Variants in LYRM4 observed in about 807,000 individuals in gnomAD.
LYRM4 encodes LYR motif containing 4, also known as LYR motif-containing protein 4.
A neutral mutation model predicts 11.7 loss-of-function variants in LYRM4; 9 were observed. That is an observed-to-expected ratio of 0.77 (90% CI 0.46 to 1.34). LYRM4 has a LOEUF of 1.34. Ranked by LOEUF, LYRM4 falls within the 40% of genes most tolerant of loss-of-function variation. LYRM4 has a pLI of 0.00. For synonymous variants in LYRM4, 42 were observed against 40.4 expected (o/e 1.04, Z -0.15); for missense variants, 133 against 112.5 (o/e 1.18, Z -0.82).
chr6:5,177,288 T>C (rs1211778114), intron 2 of LYRM4, among the ~76,000 whole-genome samples: 1 of 152,266 alleles, frequency 6.6e-6, no homozygotes, highest in East Asian at 1.9e-4. Flanking sequence ...TCTTACAGAC[T>C]GAACAAAGAA....
chr6:5,170,746 G>A (rs1182368798), intron 2 of LYRM4, among the ~76,000 whole-genome samples: 1 of 152,076 alleles, frequency 6.6e-6, no homozygotes, highest in Admixed American at 6.5e-5. Context: ...CCCCAATTGG[G>A]GATGTATAAA....
chr6:5,092,885 C>A, the LYRM4 span, among the ~76,000 whole-genome samples: 5 of 152,168 alleles, frequency 3.3e-5, no homozygotes, highest in Admixed American at 2.6e-4. Context: ...CCCTGTGACG[C>A]TCGGATCACC....
In LYRM4 at chr6:5,133,775, C is replaced by T. The variant is rs1009790169; in HGVS notation, c.208-24284G>A. ...TCATTAAGCAGCCCCTCCCTGTTTTCTTATTTTCCCAGCCTCTGGCAACCA... is the reference window on the plus strand; with the variant it reads ...TCATTAAGCAGCCCCTCCCTGTTTTTTTATTTTCCCAGCCTCTGGCAACCA... On this transcript the variant is annotated intron_variant, in intron 2 of 2. Coordinates refer to ENST00000330636, the MANE Select transcript of LYRM4 (RefSeq NM_020408.6). Among the ~76,000 whole-genome samples, 4 of 152,178 alleles carry T rather than the reference C, an allele frequency of 2.6e-5. No homozygotes were observed. In the East Asian group the frequency reaches 7.7e-4, roughly 29 times the overall value.
rs1581627044 is a variant in LYRM4, at chr6:5,260,793, C to T, written c.-60G>A. ...GCCGAGGTCCCAAGTACGACCCAAC[C>T]CACGAAACTCCAGCCTGTGCGGAAA... On this transcript the variant is annotated 5_prime_UTR_variant, in exon 1 of 3. Coordinates refer to ENST00000330636, the MANE Select transcript of LYRM4 (RefSeq NM_020408.6). The T allele has an allele frequency of 1.3e-6, 2 of 1,534,056 alleles. No homozygotes were observed. Among genetic ancestry groups the T allele is most frequent in the East Asian group, 2.4e-5 (1 of 40,868 alleles).
At chr6:5,046,628 C>T in the LYRM4 span, among the ~76,000 whole-genome samples, 1 of 152,298 alleles carries the variant, frequency 6.6e-6, no homozygotes, top group East Asian at 1.9e-4. Flanking sequence ...ACAGGCTCCC[C>T]ATATGCTTAG....
chr6:5,255,252 T>A (rs1471930079), intron 1 of LYRM4, among the ~76,000 whole-genome samples: 1 of 152,224 alleles, frequency 6.6e-6, no homozygotes, highest in African/African-American at 2.4e-5. Flanking sequence ...CAGGAAGACA[T>A]CTGCATTCTC....
At chr6:5,119,092 C>T (rs1763281478) in intron 2 of LYRM4, among the ~76,000 whole-genome samples, 1 of 152,184 alleles carries the variant, frequency 6.6e-6, no homozygotes, top group Non-Finnish European at 1.5e-5. Flanking sequence ...TCCCAGTACA[C>T]ACTCCATCTC....
chr6:5,164,724 T>G (rs1372556275), intron 2 of LYRM4, among the ~76,000 whole-genome samples: 1 of 152,148 alleles, frequency 6.6e-6, no homozygotes, highest in African/African-American at 2.4e-5. Flanking sequence ...TCCCAGCACT[T>G]TGGGAGGCCC....
At chr6:5,068,782 T>TA in the LYRM4 span, among the ~76,000 whole-genome samples, 30 of 149,692 alleles carry the variant, frequency 2.0e-4, no homozygotes, top group East Asian at 1.6e-3. This position sits in a 1 kb window ranked among gnomAD's most constrained non-coding sequence, Gnocchi z 4.0. Context: ...TTAAAGTATT[T>TA]AAAAAAAAAA....
intron 2 of LYRM4, among the ~76,000 whole-genome samples, chr6:5,192,717 A>G (rs541214788): frequency 1.3e-5 from 2 of 152,332 alleles, no homozygotes; most frequent in Non-Finnish European, 2.9e-5. Flanking sequence ...CAGGCTGTGT[A>G]TTCCGTTGTA....
At chr6:5,168,882 A>G (rs973947742) in intron 2 of LYRM4, among the ~76,000 whole-genome samples, 5 of 152,170 alleles carry the variant, frequency 3.3e-5, no homozygotes, top group African/African-American at 1.2e-4. Context: ...AGGCAAGAAT[A>G]TACTGCAAGA....
chr6:5,259,322 G>A (rs1423356306), intron 1 of LYRM4, among the ~76,000 whole-genome samples: 1 of 151,756 alleles, frequency 6.6e-6, no homozygotes, highest in Non-Finnish European at 1.5e-5. Flanking sequence ...TTGGTGCTAG[G>A]TGTTTGGTTA....
chr6:5,189,623 A>C (rs1015494669), intron 2 of LYRM4, among the ~76,000 whole-genome samples: 5 of 152,236 alleles, frequency 3.3e-5, no homozygotes, highest in Admixed American at 2.0e-4. Context: ...GGTGCCTAAG[A>C]CAGGAAAATT....
At chr6:5,057,875 C>A in the LYRM4 span, among the ~76,000 whole-genome samples, 1 of 152,110 alleles carries the variant, frequency 6.6e-6, no homozygotes, top group South Asian at 2.1e-4. Context: ...AATCCTCCCA[C>A]CTCAGCCTCC....
the LYRM4 span, among the ~76,000 whole-genome samples, chr6:5,091,989 C>G: frequency 2.6e-5 from 4 of 152,188 alleles, no homozygotes; most frequent in South Asian, 8.3e-4. Flanking sequence ...TCATTTCCCA[C>G]AGAGTCGACA....
chr6:5,086,129 G>A, the LYRM4 span: 98 of 1,477,940 alleles, frequency 6.6e-5, no homozygotes, highest in Non-Finnish European at 7.8e-5. Context: ...CGTCTGCAGC[G>A]GCAGCGCGTG....
In LYRM4 at chr6:5,151,306, A is replaced by G. The variant is rs181683105; in HGVS notation, c.208-41815T>C. Among the ~76,000 whole-genome samples the G allele has an allele frequency of 7.2e-5, 11 of 152,078 alleles. No individual in the cohort carries two copies. In the East Asian group the frequency reaches 1.9e-3, roughly 27 times the overall value. On this transcript the variant is annotated intron_variant, in intron 2 of 2. Coordinates refer to ENST00000330636, the MANE Select transcript of LYRM4 (RefSeq NM_020408.6). ...CACCATGTTGGCCAGGATGGTCTCTATCTGTTGACCTCGTGATCTGCCTGC... is the reference window on the plus strand; with the variant it reads ...CACCATGTTGGCCAGGATGGTCTCTGTCTGTTGACCTCGTGATCTGCCTGC...
At chr6:5,110,839 G>C (rs1483409035) in intron 2 of LYRM4, among the ~76,000 whole-genome samples, 1 of 152,184 alleles carries the variant, frequency 6.6e-6, no homozygotes, top group Admixed American at 6.5e-5. Context: ...CAAGTGGATG[G>C]GGAGGGTCTG....
intron 2 of LYRM4, among the ~76,000 whole-genome samples, chr6:5,156,621 T>G (rs1413315565): frequency 6.6e-6 from 1 of 152,228 alleles, no homozygotes; most frequent in Non-Finnish European, 1.5e-5. Context: ...GGAGGCTCCT[T>G]GCTGAGCTGC....
Sources: allele counts gnomAD v4.1 joint callset (sites outside exome capture counted in the v4.1 genomes callset), GRCh38; gene constraint gnomAD v4.1.1; non-coding constraint Gnocchi (gnomAD v3.1); transcripts MANE v1.5; gene names NCBI Gene and HGNC (gene_info 2026-07-23, HGNC 2026-07-21).